Variants in ZBTB20 observed in about 807,000 individuals in gnomAD.
The protein encoded by ZBTB20 is zinc finger and BTB domain containing 20.
A neutral mutation model predicts 56.9 loss-of-function variants in ZBTB20; 9 were observed. The ratio of observed to expected loss-of-function variants is 0.16; its 90% confidence interval spans 0.10 to 0.28. The LOEUF (loss-of-function observed/expected upper bound fraction) is 0.28, where lower values mean the gene tolerates loss of function less well. Among genes scored for constraint, ZBTB20 ranks in the 10% least tolerant of loss-of-function variants. The probability of loss-of-function intolerance (pLI) is 1.00; values close to 1 mark genes in which losing one functional copy is unlikely to be tolerated. For synonymous variants in ZBTB20, 417 were observed against 420.7 expected (o/e 0.99, Z 0.11); for missense variants, 655 against 1,003.0 (o/e 0.65, Z 4.69).
chr3:115,051,425 T>C (rs754807770), intron 2 of ZBTB20, among the ~76,000 whole-genome samples: 2 of 152,080 alleles, frequency 1.3e-5, no homozygotes, highest in African/African-American at 4.8e-5. Flanking sequence ...GCTGATATGA[T>C]AGATGGGTAG....
chr3:114,703,034 T>A (rs1022613634), intron 5 of ZBTB20, among the ~76,000 whole-genome samples: 1 of 152,030 alleles, frequency 6.6e-6, no homozygotes, highest in East Asian at 1.9e-4. Flanking sequence ...GTGTGTGTGA[T>A]CCTCAAGACC....
intron 5 of ZBTB20, among the ~76,000 whole-genome samples, chr3:114,725,552 A>G (rs1186927341): frequency 6.6e-6 from 1 of 152,254 alleles, no homozygotes; most frequent in Non-Finnish European, 1.5e-5. Flanking sequence ...TGAATATTTT[A>G]AATGCAATTG....
chr3:114,590,363 A>T (rs531801410), intron 6 of ZBTB20, among the ~76,000 whole-genome samples: 32 of 152,188 alleles, frequency 2.1e-4, no homozygotes, highest in Admixed American at 1.0e-3. Flanking sequence ...AGGCAAGTGA[A>T]TCGCTTGAAC....
chr3:115,058,334 T>C (rs138803060), intron 2 of ZBTB20, among the ~76,000 whole-genome samples: 2 of 152,324 alleles, frequency 1.3e-5, no homozygotes, highest in Non-Finnish European at 2.9e-5. Flanking sequence ...TTTTCAACAA[T>C]TTTAGTATCA....
chr3:114,709,233 C>A (rs1331576975), intron 5 of ZBTB20, among the ~76,000 whole-genome samples: 3 of 152,134 alleles, frequency 2.0e-5, no homozygotes, highest in African/African-American at 7.2e-5. Flanking sequence ...TTTAGGCCTG[C>A]AGCAGAACAG....
chr3:114,759,079 C>G lies in ZBTB20; in HGVS notation c.-343+42022G>C, dbSNP rs530326707. ...GCTTGTCCTGTGATTTTTCTTCTAA[C>G]TTGCATATTCAATAATCCGTCCCTG... On this transcript the variant is annotated intron_variant, in intron 5 of 11. Transcript: ENST00000675478. The G allele has an allele frequency of 7.2e-5, 11 of 152,262 alleles. No individual in the cohort carries two copies. In the East Asian group the frequency reaches 2.1e-3, roughly 29 times the overall value. 9.4% of individuals were successfully genotyped at this position (152,262 alleles called of 1,614,324 possible). A position where few individuals can be genotyped will look rare whatever the true frequency, so the allele number is the denominator to read the frequency against.
rs537165704 is a variant in ZBTB20 at position 114,322,611 on chromosome 3, C to A, written c.*16394G>T. The A allele has an allele frequency of 5.4e-4, 82 of 152,328 alleles. 1 individual carries two copies. Among genetic ancestry groups the A allele is most frequent in the African/African-American group, 1.9e-3 (80 of 41,576 alleles). The allele number at this position is 152,328 out of a possible 1,614,324, so 9.4% of individuals were successfully genotyped here. A position where few individuals can be genotyped will look rare whatever the true frequency, so the allele number is the denominator to read the frequency against. On this transcript the variant is annotated 3_prime_UTR_variant, in exon 12 of 12. Coordinates refer to ENST00000675478, the MANE Select transcript of ZBTB20 (RefSeq NM_001348800.3). ...ATTTTAAAAAGTCAATCATTTCTTT[C>A]TATAGCTTTGGTTTGGTGCAGTCAA...
At chr3:114,754,272 T>C (rs2067831438) in intron 5 of ZBTB20, among the ~76,000 whole-genome samples, 1 of 152,128 alleles carries the variant, frequency 6.6e-6, no homozygotes, top group African/African-American at 2.4e-5. Context: ...GTCTGGTATA[T>C]TCACTCACAC....
At chr3:114,352,241 A>C (rs2080753190) in intron 10 of ZBTB20, among the ~76,000 whole-genome samples, 1 of 152,200 alleles carries the variant, frequency 6.6e-6, no homozygotes, top group South Asian at 2.1e-4. Context: ...GTTCTTATGG[A>C]ACACTAAACC....
chr3:114,570,534 C>A (rs2107332243), intron 6 of ZBTB20, among the ~76,000 whole-genome samples: 1 of 152,108 alleles, frequency 6.6e-6, no homozygotes, highest in African/African-American at 2.4e-5. Context: ...GCTGAAGTAA[C>A]TTGTCAAAGA....
chr3:115,113,847 T>G (rs541806450), intron 1 of ZBTB20, among the ~76,000 whole-genome samples: 87 of 151,762 alleles, frequency 5.7e-4, no homozygotes, highest in Non-Finnish European at 1.2e-3. Context: ...AATTTGTTAC[T>G]AAATAATATT....
At chr3:114,693,778 GTTTAAC>G (rs1321797885) in intron 5 of ZBTB20, among the ~76,000 whole-genome samples, 1 of 152,064 alleles carries the variant, frequency 6.6e-6, no homozygotes, top group Non-Finnish European at 1.5e-5. Flanking sequence ...CTGCCTGCAT[GTTTAAC>G]TTTAAGGTCT....
intron 2 of ZBTB20, among the ~76,000 whole-genome samples, chr3:115,003,701 C>G (rs2079349596): frequency 6.6e-6 from 1 of 151,408 alleles, no homozygotes; most frequent in Non-Finnish European, 1.5e-5. Flanking sequence ...AACAAAAACA[C>G]TAAGTTTAAC....
intron 4 of ZBTB20, among the ~76,000 whole-genome samples, chr3:114,837,353 T>C (rs1006986876): frequency 2.6e-5 from 4 of 152,234 alleles, no homozygotes; most frequent in Non-Finnish European, 5.9e-5. Context: ...AGTTATCTAT[T>C]ACAGCATAAC....
chr3:114,678,067 C>G (rs1052571909), intron 6 of ZBTB20, among the ~76,000 whole-genome samples: 1 of 152,194 alleles, frequency 6.6e-6, no homozygotes, highest in East Asian at 1.9e-4. Flanking sequence ...ATAAAAAAAT[C>G]TTTCATATGC....
At chr3:115,116,830 C>G (rs1441729406) in intron 1 of ZBTB20, among the ~76,000 whole-genome samples, 1 of 152,068 alleles carries the variant, frequency 6.6e-6, no homozygotes, top group East Asian at 1.9e-4. Flanking sequence ...ATGCCTATCT[C>G]TTCCACAAAA....
intron 3 of ZBTB20, among the ~76,000 whole-genome samples, chr3:114,934,507 G>T (rs1359698412): frequency 6.6e-6 from 1 of 152,072 alleles, no homozygotes; most frequent in Non-Finnish European, 1.5e-5. Flanking sequence ...CATAGCTGTG[G>T]ATTAACAAAT....
intron 6 of ZBTB20, among the ~76,000 whole-genome samples, chr3:114,553,722 G>A (rs973922229): frequency 1.3e-5 from 2 of 152,076 alleles, no homozygotes; most frequent in Non-Finnish European, 2.9e-5. Flanking sequence ...ATAATTCTGT[G>A]AACCCATCAG....
Position 114,600,265 on chromosome 3 carries a change from C to T in ZBTB20, c.-295+93263G>A, listed in dbSNP as rs148650311. On this transcript the variant is annotated intron_variant, in intron 6 of 11. Coordinates refer to ENST00000675478, the MANE Select transcript of ZBTB20 (RefSeq NM_001348800.3). ...GATTCCCAACAGATTGAGATGAAGA[C>T]CTGATGTAAGGCAGGGGTTCAGGTG... 1.1e-3 allele frequency among the ~76,000 whole-genome samples: 173 copies of T among 152,054 alleles called. 1 individual carries two copies. Among genetic ancestry groups the T allele is most frequent in the African/African-American group, 4.0e-3 (166 of 41,488 alleles).
Sources: gnomAD v4.1 joint callset for allele counts (sites outside exome capture counted in the v4.1 genomes callset) on GRCh38, gnomAD v4.1.1 for gene constraint, MANE v1.5 for transcripts, NCBI Gene and HGNC (gene_info 2026-07-23, HGNC 2026-07-21) for gene names.